The following ADAM23 variants were observed in gnomAD, a reference collection of about 807,000 sequenced individuals.
ADAM23 encodes disintegrin and metalloproteinase domain-containing protein 23.
A neutral mutation model predicts 120.1 loss-of-function variants in ADAM23; 33 were observed. That is an observed-to-expected ratio of 0.27 (90% CI 0.21 to 0.37). The LOEUF is 0.37. Ranked by LOEUF, ADAM23 falls within the 10% of genes least tolerant of loss-of-function variation. The probability of loss-of-function intolerance (pLI) is 1.00; values close to 1 mark genes in which losing one functional copy is unlikely to be tolerated. For synonymous variants in ADAM23, 367 were observed against 375.2 expected (o/e 0.98, Z 0.25); for missense variants, 862 against 1,058.2 (o/e 0.81, Z 2.57).
rs1308493041 is a variant in ADAM23, at chr2:206,557,089, GT to G, written c.934-329del. ...TATTCAGAACATCGTAGGTTTTTTT[GT>G]TTTTTTTTGAAAAAAATTTTGTAAA... On this transcript the variant is annotated intron_variant, in intron 9 of 25. Coordinates refer to ENST00000264377, the MANE Select transcript of ADAM23 (RefSeq NM_003812.4). 4.0e-5 allele frequency among the ~76,000 whole-genome samples: 6 copies of G among 149,116 alleles called. No homozygotes were observed. The East Asian group carries it at 5.9e-4, about 15-fold the overall frequency.
At chr2:206,497,488 C>T (rs1206812438) in intron 3 of ADAM23, among the ~76,000 whole-genome samples, 1 of 151,954 alleles carries the variant, frequency 6.6e-6, no homozygotes, top group Non-Finnish European at 1.5e-5. Flanking sequence ...AATTAGGTAT[C>T]GATGGGACAT....
At chr2:206,594,619 C>T in intron 22 of ADAM23, 118 bp from the exon 23 acceptor site, 2 of 1,130,164 alleles carry the variant, frequency 1.8e-6, no homozygotes, top group South Asian at 3.2e-5. Context: ...TAAGAAAATG[C>T]TAGGAGAAAT....
chr2:206,616,643 C>T (rs898001593), intron 25 of ADAM23, among the ~76,000 whole-genome samples: 13 of 151,878 alleles, frequency 8.6e-5, no homozygotes, highest in Non-Finnish European at 1.6e-4. Flanking sequence ...TAAGGGTATC[C>T]AGCTGGCCCT....
At chr2:206,584,581 C>G (rs1228806071) in intron 18 of ADAM23, among the ~76,000 whole-genome samples, 1 of 152,014 alleles carries the variant, frequency 6.6e-6, no homozygotes, top group South Asian at 2.1e-4. Context: ...GGAGTCTCAC[C>G]CCCATCCCCC....
intron 2 of ADAM23, among the ~76,000 whole-genome samples, chr2:206,470,355 G>A (rs536420790): frequency 8.6e-4 from 131 of 152,182 alleles, no homozygotes; most frequent in African/African-American, 2.9e-3. Flanking sequence ...TTACATGGAC[G>A]TGGTGAGACC....
At chr2:206,583,140 A>G (rs748898458) in intron 18 of ADAM23, among the ~76,000 whole-genome samples, 2 of 152,122 alleles carry the variant, frequency 1.3e-5, no homozygotes, top group African/African-American at 2.4e-5. Context: ...TCCCTCGAAT[A>G]TGTTTTCCAA....
intron 24 of ADAM23, among the ~76,000 whole-genome samples, chr2:206,604,274 G>T (rs545342575): frequency 6.6e-6 from 1 of 151,220 alleles, no homozygotes; most frequent in South Asian, 2.1e-4. Context: ...TCAAAAAAAA[G>T]AAAAAAGAAA....
At chr2:206,571,443 C>A (rs1697997155) in intron 16 of ADAM23, among the ~76,000 whole-genome samples, 1 of 151,982 alleles carries the variant, frequency 6.6e-6, no homozygotes, top group African/African-American at 2.4e-5. Flanking sequence ...CCACTGCAGT[C>A]CGGCCTGTGT....
intron 2 of ADAM23, among the ~76,000 whole-genome samples, chr2:206,480,277 G>C (rs933698496): frequency 6.6e-6 from 1 of 152,034 alleles, no homozygotes; most frequent in African/African-American, 2.4e-5. Flanking sequence ...GTATTGGGGG[G>C]AAGGAGGGAA....
chr2:206,556,056 A>G (rs1697637116), intron 9 of ADAM23, among the ~76,000 whole-genome samples: 1 of 152,162 alleles, frequency 6.6e-6, no homozygotes, highest in South Asian at 2.1e-4. Context: ...AGTTATATGC[A>G]CACATTACAG....
At chr2:206,568,910 A>T (rs1697941868) in intron 15 of ADAM23, among the ~76,000 whole-genome samples, 1 of 152,206 alleles carries the variant, frequency 6.6e-6, no homozygotes, top group South Asian at 2.1e-4. Flanking sequence ...TGGTGGCTTG[A>T]TGCCTGACAT....
intron 4 of ADAM23, 110 bp downstream of exon 4, chr2:206,531,058 CT>C: frequency 2.7e-6 from 2 of 737,484 alleles, no homozygotes; most frequent in Non-Finnish European, 4.2e-6. Context: ...CACCTGTGCT[CT>C]TTTACAATGA....
Position 206,444,054 on chromosome 2 carries a change from G to A in ADAM23, c.188G>A (p.Arg63His). 1 of 1,393,386 alleles carries A rather than the reference G, an allele frequency of 7.2e-7. No individual in the cohort carries two copies. Among genetic ancestry groups the A allele is most frequent in the Non-Finnish European group, 9.3e-7 (1 of 1,070,342 alleles). The allele number at this position is 1,393,386 out of a possible 1,614,324, so 86.3% of individuals were successfully genotyped here. The change falls in exon 1 of 26, where the codon CGC (arginine) becomes CAC (histidine). Residue 63 changes from arginine to histidine, a missense_variant. Physicochemically the swap from Arg to His is conservative, Grantham distance 29. This residue lies in a region of ADAM23 where 225 missense variants were observed against 204.0 expected (regional missense o/e 1.10). Transcript: ENST00000264377. ...LPPLAASSRP[R>H]AWGAAAPSAP... ...CCGCTCGCCGCCTCGTCCCGGCCCC[G>A]CGCCTGGGGGGCTGCTGCGCCCAGC...
chr2:206,578,790 T>C (rs1312660791), intron 18 of ADAM23, among the ~76,000 whole-genome samples: 1 of 152,138 alleles, frequency 6.6e-6, no homozygotes. Context: ...AATAGATCTA[T>C]TTTTAGCTGT....
At chr2:206,456,274 A>G (rs1209136169) in intron 2 of ADAM23, among the ~76,000 whole-genome samples, 2 of 152,024 alleles carry the variant, frequency 1.3e-5, no homozygotes, top group Non-Finnish European at 2.9e-5. Context: ...AGTGCCACAC[A>G]CTTAAACCAT....
At chr2:206,478,255 G>GAT (rs1695824503) in intron 2 of ADAM23, among the ~76,000 whole-genome samples, 2 of 152,164 alleles carry the variant, frequency 1.3e-5, no homozygotes, top group South Asian at 4.1e-4. Flanking sequence ...ACTTAAAATG[G>GAT]ATATAAATGT....
chr2:206,504,523 A>C (rs1005710132), intron 3 of ADAM23, among the ~76,000 whole-genome samples: 1 of 152,188 alleles, frequency 6.6e-6, no homozygotes, highest in Non-Finnish European at 1.5e-5. Context: ...GTGCTTTTGA[A>C]GACTCAACTT....
At chr2:206,593,241 A>AG (rs1698460377) in intron 22 of ADAM23, among the ~76,000 whole-genome samples, 1 of 152,210 alleles carries the variant, frequency 6.6e-6, no homozygotes, top group Admixed American at 6.5e-5. Context: ...TGTGAGTACA[A>AG]GGCATGTAGA....
chr2:206,536,225 T>TTGTGTGTG (rs71034460), intron 4 of ADAM23, among the ~76,000 whole-genome samples: 1 of 151,434 alleles, frequency 6.6e-6, no homozygotes, highest in Non-Finnish European at 1.5e-5. Flanking sequence ...GCGTGTGTGT[T>TTGTGTGTG]TGTGTGTGTG....
Sources: gnomAD v4.1 joint callset for allele counts (sites outside exome capture counted in the v4.1 genomes callset) on GRCh38, gnomAD v4.1.1 for gene constraint, gnomAD v4.1.1 regional missense constraint, MANE v1.5 for transcripts, NCBI Gene and HGNC (gene_info 2026-07-23, HGNC 2026-07-21) for gene names.